The following POLD3 variants were observed in gnomAD, a reference collection of about 807,000 sequenced individuals.
POLD3 encodes DNA polymerase delta 3, accessory subunit.
POLD3 carries 19 observed loss-of-function variants against 58.2 expected under a neutral mutation model. The observed-to-expected ratio is 0.33, with a 90% CI of 0.23 to 0.48. The LOEUF (loss-of-function observed/expected upper bound fraction) is 0.48, where lower values mean the gene tolerates loss of function less well. Ranked by LOEUF, POLD3 falls within the 20% of genes least tolerant of loss-of-function variation. POLD3 has a pLI of 0.99. For synonymous variants in POLD3, 172 were observed against 193.5 expected (o/e 0.89, Z 0.92); for missense variants, 504 against 545.5 (o/e 0.92, Z 0.76).
At chr11:74,594,947 C>A (rs2031175771) in intron 2 of POLD3, among the ~76,000 whole-genome samples, 1 of 152,188 alleles carries the variant, frequency 6.6e-6, no homozygotes, top group Non-Finnish European at 1.5e-5. Flanking sequence ...GGGATTATTA[C>A]AATTCAAGTT....
At chr11:74,617,087 A>G (rs1351520090) in intron 5 of POLD3, among the ~76,000 whole-genome samples, 1 of 152,214 alleles carries the variant, frequency 6.6e-6, no homozygotes, top group Non-Finnish European at 1.5e-5. Flanking sequence ...GAAAAATAAA[A>G]TATTTTTCTT....
intron 8 of POLD3, among the ~76,000 whole-genome samples, chr11:74,628,091 G>A (rs962051091): frequency 1.3e-5 from 2 of 152,050 alleles, no homozygotes; most frequent in African/African-American, 4.8e-5. Context: ...ACTGAGTTGT[G>A]TTTTTAAAAC....
At chr11:74,602,345 C>G (rs960863630) in intron 2 of POLD3, among the ~76,000 whole-genome samples, 1 of 152,062 alleles carries the variant, frequency 6.6e-6, no homozygotes, top group Non-Finnish European at 1.5e-5. Context: ...TTTAATATGC[C>G]CCCAAACCTA....
chr11:74,653,889 A>G (rs1327923015), intron 4 of POLD3, among the ~76,000 whole-genome samples: 1 of 152,236 alleles, frequency 6.6e-6, no homozygotes, highest in Non-Finnish European at 1.5e-5. Context: ...CTGTACAAGC[A>G]TGGTGCCAGC....
intron 2 of POLD3, among the ~76,000 whole-genome samples, chr11:74,600,672 A>G (rs1412248138): frequency 6.7e-6 from 1 of 149,186 alleles, no homozygotes; most frequent in Admixed American, 6.7e-5. Context: ...TAGATAAAAC[A>G]TGTTTTAAAG....
intron 8 of POLD3, chr11:74,628,937 G>A (rs2032507959): frequency 4.0e-6 from 1 of 248,628 alleles, no homozygotes. Context: ...AATCAGGGAA[G>A]TAAGAAGGAA....
chr11:74,618,720 T>C lies in POLD3; in HGVS notation c.576T>C (p.Ile192=), dbSNP rs1329194886. The C allele has an allele frequency of 1.8e-5, 29 of 1,613,924 alleles. No individual in the cohort carries two copies. Among genetic ancestry groups the C allele is most frequent in the Non-Finnish European group, 2.4e-5 (28 of 1,179,956 alleles). The change falls in exon 6 of 12, where the codon ATT becomes ATC. Residue 192 remains isoleucine, a synonymous_variant. Transcript: ENST00000263681. ...SKQVSQQPKG[I]MGMFASKAAA... Reference sequence around the variant, plus strand: ...AGGTTTCCCAGCAGCCCAAAGGAATTATGGGAATGTTTGCCTCCAAAGCTG... The same window carrying C: ...AGGTTTCCCAGCAGCCCAAAGGAATCATGGGAATGTTTGCCTCCAAAGCTG...
chr11:74,651,478 T>C (rs1052042744), intron 4 of POLD3, among the ~76,000 whole-genome samples: 15 of 151,336 alleles, frequency 9.9e-5, no homozygotes, highest in Non-Finnish European at 4.4e-5. Flanking sequence ...TCTCAAGGAG[T>C]TTTGAAAGAG....
At chr11:74,607,240 T>TATATATA (rs761011170) in intron 3 of POLD3, among the ~76,000 whole-genome samples, 21 of 61,914 alleles carry the variant, frequency 3.4e-4, no homozygotes, top group African/African-American at 6.8e-4. Flanking sequence ...ATTATTATTA[T>TATATATA]TATATATTTA....
At chr11:74,606,650 G>T (rs560999357) in intron 3 of POLD3, among the ~76,000 whole-genome samples, 234 of 152,186 alleles carry the variant, frequency 1.5e-3, no homozygotes, top group Non-Finnish European at 2.7e-3. Flanking sequence ...TATAACAGGG[G>T]CTCTTAATTT....
At chr11:74,630,874 A>G (rs1180298131) in intron 9 of POLD3, among the ~76,000 whole-genome samples, 2 of 152,210 alleles carry the variant, frequency 1.3e-5, no homozygotes, top group Non-Finnish European at 2.9e-5. Context: ...AATATTCCCT[A>G]TAGTTCTGAT....
chr11:74,603,575 C>G (rs867428308), intron 2 of POLD3, among the ~76,000 whole-genome samples: 27 of 152,088 alleles, frequency 1.8e-4, no homozygotes, highest in Admixed American at 5.9e-4. Flanking sequence ...CAGGAATGGT[C>G]AGTCACTCTA....
intron 11 of POLD3, among the ~76,000 whole-genome samples, chr11:74,639,003 G>A (rs571002096): frequency 8.5e-5 from 13 of 152,234 alleles, no homozygotes; most frequent in Non-Finnish European, 1.6e-4. Flanking sequence ...GGAAGGGATT[G>A]TTGATTATGC....
rs1202426924 is a variant in POLD3 at position 74,665,391 on chromosome 11, A to ATTTTTTTTTT, written c.370-3372_370-3363dup. Among the ~76,000 whole-genome samples the ATTTTTTTTTT allele has an allele frequency of 7.0e-4, 58 of 83,314 alleles. 2 individuals carry two copies. Among genetic ancestry groups the ATTTTTTTTTT allele is most frequent in the African/African-American group, 2.9e-3 (57 of 19,966 alleles). The allele number at this position is 83,314 out of a possible 152,430, so 54.7% of individuals were successfully genotyped here. A position where few individuals can be genotyped will look rare whatever the true frequency, so the allele number is the denominator to read the frequency against. On this transcript the variant is annotated intron_variant, in intron 4 of 4. Coordinates refer to the POLD3 transcript ENST00000524752. ...TGACAAAATCTAGCACCCTTTTATA[A>ATTTTTTTTTT]TTTTTTTTTTTTTTTTTTTTTTTGA...
At chr11:74,659,358 C>G (rs2033177790) in intron 4 of POLD3, among the ~76,000 whole-genome samples, 1 of 152,120 alleles carries the variant, frequency 6.6e-6, no homozygotes, top group South Asian at 2.1e-4. Context: ...ATGGGAGGGG[C>G]TGCCGTAAAG....
In POLD3 at chr11:74,592,611, G is replaced by A. The variant is rs777563278; in HGVS notation, c.-48G>A. ...ACGTTTCCCGCCGGCGGGAGCTGTGGCTGTGATTGAGAGAGGGGTTAGAGG... is the reference window on the plus strand; with the variant it reads ...ACGTTTCCCGCCGGCGGGAGCTGTGACTGTGATTGAGAGAGGGGTTAGAGG... On this transcript the variant is annotated 5_prime_UTR_variant, in exon 1 of 12. Transcript: ENST00000263681. 6.2e-6 allele frequency: 10 copies of A among 1,609,494 alleles called. No individual in the cohort carries two copies. The highest frequency in any genetic ancestry group is 7.6e-6 in the Non-Finnish European group (9 of 1,177,512).
chr11:74,655,509 G>A (rs1271508492), intron 4 of POLD3, among the ~76,000 whole-genome samples: 1 of 152,132 alleles, frequency 6.6e-6, no homozygotes, highest in Non-Finnish European at 1.5e-5. Context: ...AAAATGATAT[G>A]CAAGACTTGA....
At chr11:74,658,163 G>C (rs1377876721) in intron 4 of POLD3, among the ~76,000 whole-genome samples, 1 of 152,204 alleles carries the variant, frequency 6.6e-6, no homozygotes, top group African/African-American at 2.4e-5. Context: ...ATCATGGCAG[G>C]AGGTGAAAGG....
chr11:74,665,657 C>T (rs2033260009), intron 4 of POLD3, among the ~76,000 whole-genome samples: 1 of 152,032 alleles, frequency 6.6e-6, no homozygotes, highest in South Asian at 2.1e-4. Flanking sequence ...ACCTTGGCCT[C>T]TCAAAGCACT....
Sources: allele counts gnomAD v4.1 joint callset (sites outside exome capture counted in the v4.1 genomes callset), GRCh38; gene constraint gnomAD v4.1.1; transcripts MANE v1.5; gene names NCBI Gene and HGNC (gene_info 2026-07-23, HGNC 2026-07-21).